The following MTMR9 variants were observed in gnomAD, a reference collection of about 807,000 sequenced individuals.
The protein encoded by MTMR9 is myotubularin related protein 9.
Under a neutral mutation model 69.5 loss-of-function variants are expected in MTMR9, and 39 were observed. That is an observed-to-expected ratio of 0.56 (90% CI 0.43 to 0.73). MTMR9 has a LOEUF of 0.73. Among genes scored for constraint, MTMR9 ranks in the 30% least tolerant of loss-of-function variants. MTMR9 has a pLI of 0.00. For missense variants in MTMR9, 900 were observed against 671.2 expected (o/e 1.34, Z -3.77); for synonymous variants, 354 against 240.8 (o/e 1.47, Z -4.35).
intron 3 of MTMR9, among the ~76,000 whole-genome samples, chr8:11,301,560 A>C (rs1799748830): frequency 6.6e-6 from 1 of 152,236 alleles, no homozygotes; most frequent in African/African-American, 2.4e-5. Context: ...TCTTTAAGAA[A>C]GCACAGGAGA....
chr8:11,292,404 G>T (rs528241075), intron 1 of MTMR9, among the ~76,000 whole-genome samples: 9 of 152,312 alleles, frequency 5.9e-5, no homozygotes, highest in Admixed American at 5.2e-4. Context: ...TTTTTAAGAA[G>T]CTGCCCCAAC....
At chr8:11,287,197 G>A (rs897186800) in intron 1 of MTMR9, among the ~76,000 whole-genome samples, 1 of 152,124 alleles carries the variant, frequency 6.6e-6, no homozygotes, top group African/African-American at 2.4e-5. Flanking sequence ...ATATAGACGC[G>A]TAGGAAACAA....
At chr8:11,288,574 G>A (rs1219359783) in intron 1 of MTMR9, among the ~76,000 whole-genome samples, 1 of 152,046 alleles carries the variant, frequency 6.6e-6, no homozygotes, top group Non-Finnish European at 1.5e-5. Flanking sequence ...AAAGACTTGA[G>A]ATGGGGAACA....
At chr8:11,319,283 T>A (rs946459131) in intron 8 of MTMR9, 3 of 154,798 alleles carry the variant, frequency 1.9e-5, no homozygotes, top group African/African-American at 7.2e-5. Flanking sequence ...AATTTTTATG[T>A]TTATATTATA....
chr8:11,288,036 A>G (rs1415740699), intron 1 of MTMR9, among the ~76,000 whole-genome samples: 1 of 125,460 alleles, frequency 8.0e-6, no homozygotes, highest in Non-Finnish European at 1.6e-5. Context: ...TATATAATAT[A>G]TATTATATAA....
At chr8:11,296,672 G>A (rs574800311) in intron 2 of MTMR9, among the ~76,000 whole-genome samples, 1 of 152,158 alleles carries the variant, frequency 6.6e-6, no homozygotes, top group East Asian at 1.9e-4. Flanking sequence ...TTTTCACTTA[G>A]CATAATATCC....
chr8:11,295,429 A>G lies in MTMR9; in HGVS notation c.291+127A>G, dbSNP rs754958230. 127 of 665,936 alleles carry G rather than the reference A, an allele frequency of 1.9e-4. 1 individual carries two copies. Among genetic ancestry groups the G allele is most frequent in the Non-Finnish European group, 3.0e-4 (112 of 379,520 alleles). 41.3% of individuals were successfully genotyped at this position (665,936 alleles called of 1,614,324 possible). On this transcript the variant is annotated intron_variant, in intron 2 of 9. Transcript: ENST00000221086. The stretch of plus-strand genomic sequence containing the variant: ...CTCAAATACTGAAGACTGATAGGAA[A>G]AGCCTCACCCTGGTTCATCGTCATA...
intron 1 of MTMR9, among the ~76,000 whole-genome samples, chr8:11,289,516 A>G (rs1799305315): frequency 6.6e-6 from 1 of 151,900 alleles, no homozygotes; most frequent in Non-Finnish European, 1.5e-5. Flanking sequence ...CAGAAAATTG[A>G]GTTACTACTA....
intron 1 of MTMR9, among the ~76,000 whole-genome samples, chr8:11,288,956 T>G (rs2117350021): frequency 6.6e-6 from 1 of 152,254 alleles, no homozygotes; most frequent in East Asian, 1.9e-4. Flanking sequence ...GCAGATCACC[T>G]GAGGTCAGGA....
downstream of MTMR9, chr8:11,331,931 C>G (rs2117501963): frequency 1.9e-6 from 3 of 1,612,024 alleles, no homozygotes; most frequent in East Asian, 4.5e-5. Flanking sequence ...ATGCGGTCAC[C>G]AAGGCCCACC....
chr8:11,319,567 A>C, intron 8 of MTMR9, 120 bp from the exon 9 acceptor site: 2 of 1,036,096 alleles, frequency 1.9e-6, no homozygotes, highest in East Asian at 5.1e-5. Flanking sequence ...TTGTTTCTCT[A>C]CCAAAAGTCT....
rs528544949 is a variant in MTMR9 at position 11,319,731 on chromosome 8, G to C, written c.1379G>C (p.Trp460Ser). 5.0e-6 allele frequency: 8 copies of C among 1,614,116 alleles called. No individual in the cohort carries two copies. The East Asian group carries it at 1.3e-4, about 27-fold the overall frequency. The change falls in exon 9 of 10, where the codon TGG (tryptophan) becomes TCG (serine). Residue 460 changes from tryptophan to serine, a missense_variant. Physicochemically the swap from Trp to Ser is radical, Grantham distance 177. Transcript: ENST00000221086. ...CAGAAGACGATGTCTTTGTGGTCCT[G>C]GGTTAATCAGCCCAGTGAGCTGAGT... ...LQQKTMSLWS[W>S]VNQPSELSKF...
At chr8:11,322,525 A>T in intron 9 of MTMR9, 100 bp from the exon 10 acceptor site, 1 of 985,166 alleles carries the variant, frequency 1.0e-6, no homozygotes, top group Non-Finnish European at 1.5e-6. Flanking sequence ...CAAAAGAAAA[A>T]AGAATGTATA....
chr8:11,302,806 A>G (rs927860415), intron 3 of MTMR9, among the ~76,000 whole-genome samples: 19 of 152,150 alleles, frequency 1.2e-4, no homozygotes, highest in African/African-American at 4.6e-4. Context: ...GGAAAAGGAA[A>G]GAATCTTGAG....
rs1799443186 is a variant in MTMR9, at chr8:11,293,591, G to T, written c.183-1603G>T. On this transcript the variant is annotated intron_variant, in intron 1 of 9. Coordinates refer to ENST00000221086, the MANE Select transcript of MTMR9 (RefSeq NM_015458.4). ...CAATTTGTCAGTTTGTTCTTTTATA[G>T]ATTGGGATTTTAGTGTCTTATCTAA... 4.6e-5 allele frequency among the ~76,000 whole-genome samples: 7 copies of T among 152,118 alleles called. No homozygotes were observed. In the South Asian group the frequency reaches 1.4e-3, roughly 31 times the overall value.
Position 11,297,157 on chromosome 8 carries a change from G to T in MTMR9, c.291+1855G>T, listed in dbSNP as rs557120776. Among the ~76,000 whole-genome samples the T allele has an allele frequency of 1.6e-4, 25 of 152,214 alleles. No homozygotes were observed. In the South Asian group the frequency reaches 5.2e-3, roughly 32 times the overall value. On this transcript the variant is annotated intron_variant, in intron 2 of 9. Transcript: ENST00000221086. The stretch of plus-strand genomic sequence containing the variant: ...AATCTGGACTTTGTGTCCAAAAAAT[G>T]CTATCAGCTTAGCTATTAAAAATGG...
intron 1 of MTMR9, among the ~76,000 whole-genome samples, chr8:11,293,578 T>G (rs1213056288): frequency 6.6e-6 from 1 of 152,190 alleles, no homozygotes; most frequent in Non-Finnish European, 1.5e-5. Flanking sequence ...ATTTGTCAGT[T>G]TGTTCTTTTA....
intron 4 of MTMR9, 38 bp from the exon 5 acceptor site, chr8:11,306,152 C>T (rs371407080): frequency 1.3e-6 from 2 of 1,574,876 alleles, no homozygotes; most frequent in East Asian, 2.2e-5. Flanking sequence ...ACTTTAAAAG[C>T]AACTGCTGTT....
chr8:11,285,365 C>T (rs1006335558), intron 1 of MTMR9: 13 of 277,454 alleles, frequency 4.7e-5, no homozygotes, highest in African/African-American at 1.5e-4. Context: ...TTATAAATTT[C>T]TTCTTCTTCT....
Sources: gnomAD v4.1 joint callset for allele counts (sites outside exome capture counted in the v4.1 genomes callset) on GRCh38, gnomAD v4.1.1 for gene constraint, MANE v1.5 for transcripts, NCBI Gene and HGNC (gene_info 2026-07-23, HGNC 2026-07-21) for gene names.